The following EML6 variants were observed in gnomAD, a reference collection of about 807,000 sequenced individuals.
EML6 encodes the protein echinoderm microtubule-associated protein-like 6.
In EML6, 154 loss-of-function variants were observed where a neutral mutation model predicts 240.1. The ratio of observed to expected loss-of-function variants is 0.64; its 90% CI spans 0.56 to 0.73. The LOEUF (loss-of-function observed/expected upper bound fraction) is 0.73, where lower values mean the gene tolerates loss of function less well. Ranked by LOEUF, EML6 falls within the 30% of genes least tolerant of loss-of-function variation. The pLI is 0.00. For missense variants in EML6, 2,964 were observed against 2,474.6 expected (o/e 1.20, Z -4.20); for synonymous variants, 1,148 against 899.0 (o/e 1.28, Z -4.95).
chr2:54,847,574 C>T lies in EML6; in HGVS notation c.1138C>T (p.Gln380Ter), dbSNP rs1232799362. Residue 380 changes from glutamine (Q) to a stop codon, truncating the protein, a stop_gained, in exon 9 of 42, where the codon CAG becomes TAG. Transcript: ENST00000356458. LOFTEE classifies it high-confidence loss of function. ...TGTAGCTTTCAGCCCCGACGGATCTCAGCTGGCCCTGGGCATGAAGGACGG... is the reference window on the plus strand; with the variant it reads ...TGTAGCTTTCAGCCCCGACGGATCTTAGCTGGCCCTGGGCATGAAGGACGG... ...RSVAFSPDGS[Q>*]LALGMKDGSF... 6.4e-7 allele frequency: 1 copy of T among 1,552,210 alleles called. No homozygotes were observed. The highest frequency in any genetic ancestry group is 8.7e-7 in the Non-Finnish European group (1 of 1,147,138).
In EML6 at chr2:54,952,763, G is replaced by A. The variant is rs886194905; in HGVS notation, c.4312+71G>A. 15 of 1,041,372 alleles carry A rather than the reference G, an allele frequency of 1.4e-5. No individual in the cohort carries two copies. The South Asian group carries it at 2.1e-4, about 14-fold the overall frequency. 64.5% of individuals were successfully genotyped at this position (1,041,372 alleles called of 1,614,324 possible). A position where few individuals can be genotyped will look rare whatever the true frequency, so the allele number is the denominator to read the frequency against. ...GCTGACCTGTCAGCAATTATTGGGA[G>A]AGGGAGTGGGTGGGTTGCTTACATC... On this transcript the variant is annotated intron_variant, in intron 31 of 41. Transcript: ENST00000356458.
intron 31 of EML6, among the ~76,000 whole-genome samples, chr2:54,953,657 C>G (rs1011442434): frequency 1.3e-5 from 2 of 152,058 alleles, no homozygotes; most frequent in Non-Finnish European, 2.9e-5. Flanking sequence ...CTTTGGGAGG[C>G]GGGCGGATCA....
At chr2:54,782,984 G>A (rs964382939) in intron 2 of EML6, among the ~76,000 whole-genome samples, 2 of 152,228 alleles carry the variant, frequency 1.3e-5, no homozygotes, top group South Asian at 4.1e-4. Context: ...TATATAGCAA[G>A]AGCCCAGTAA....
chr2:54,792,016 C>T (rs1042788409), intron 2 of EML6, among the ~76,000 whole-genome samples: 1 of 152,148 alleles, frequency 6.6e-6, no homozygotes, highest in African/African-American at 2.4e-5. Context: ...TAGAAGCTTC[C>T]GCATAAGCAG....
At chr2:54,961,184 GTTT>G (rs575621987) in intron 35 of EML6, among the ~76,000 whole-genome samples, 3 of 55,420 alleles carry the variant, frequency 5.4e-5, no homozygotes, top group Admixed American at 2.7e-4. Flanking sequence ...TCAGGAAGTA[GTTT>G]TTTTTTTTTT....
intron 30 of EML6, 39 bp from the exon 31 acceptor site, chr2:54,952,555 G>C: frequency 7.2e-7 from 1 of 1,397,542 alleles, no homozygotes; most frequent in Non-Finnish European, 9.9e-7. Context: ...AAGGTCTTTA[G>C]GTTCCACTGT....
rs938819663 is a variant in EML6, at chr2:54,952,927, C to T, written c.4312+235C>T. 7.2e-5 allele frequency among the ~76,000 whole-genome samples: 11 copies of T among 152,228 alleles called. No homozygotes were observed. In the East Asian group the frequency reaches 1.2e-3, roughly 16 times the overall value. On this transcript the variant is annotated intron_variant, in intron 31 of 41. Transcript: ENST00000356458. The stretch of plus-strand genomic sequence containing the variant: ...GCCTGAGAGTCCAAATAAACGTTGG[C>T]CCCCATCCCTGTGGACTTGTAAGAA...
At chr2:54,867,024 G>A (rs930878568) in intron 14 of EML6, 140 bp downstream of exon 14, 1 of 532,822 alleles carries the variant, frequency 1.9e-6, no homozygotes, top group Non-Finnish European at 3.5e-6. Context: ...ATGTGCACTT[G>A]TACCTGTGGT....
chr2:54,776,918 T>A (rs1668627589), intron 2 of EML6, among the ~76,000 whole-genome samples: 1 of 152,254 alleles, frequency 6.6e-6, no homozygotes, highest in Non-Finnish European at 1.5e-5. Flanking sequence ...TTGTTTTCTC[T>A]AAGTATTTAT....
Position 54,866,712 on chromosome 2 carries a change from T to C in EML6, c.1933-54T>C, listed in dbSNP as rs1344846899. 73 of 1,015,624 alleles carry C rather than the reference T, an allele frequency of 7.2e-5. No individual in the cohort carries two copies. In the East Asian group the frequency reaches 1.8e-3, roughly 25 times the overall value. The allele number at this position is 1,015,624 out of a possible 1,614,324, so 62.9% of individuals were successfully genotyped here. On this transcript the variant is annotated intron_variant, in intron 13 of 41. Transcript: ENST00000356458. ...TTACAAGAATGTCAAGATGCTGATATTTTTGGAACCTGATGAAAGGCATCT... is the reference window on the plus strand; with the variant it reads ...TTACAAGAATGTCAAGATGCTGATACTTTTGGAACCTGATGAAAGGCATCT...
In EML6 at chr2:54,725,009, C is replaced by T; in HGVS notation, c.-53C>T. ...AGGTCCGCCGCAGCCCCAGCCTCGG[C>T]GAGGACGGCCCCGGCGCGCGGGGGG... On this transcript the variant is annotated 5_prime_UTR_variant, in exon 2 of 42. Transcript: ENST00000356458. This position sits in a 1 kb window ranked among gnomAD's most constrained non-coding sequence, Gnocchi z 4.3. The T allele has an allele frequency of 7.2e-7, 1 of 1,397,784 alleles. No individual in the cohort carries two copies. Among genetic ancestry groups the T allele is most frequent in the Non-Finnish European group, 9.3e-7 (1 of 1,076,210 alleles). The allele number at this position is 1,397,784 out of a possible 1,614,324, so 86.6% of individuals were successfully genotyped here. A position where few individuals can be genotyped will look rare whatever the true frequency, so the allele number is the denominator to read the frequency against.
In EML6 at chr2:54,850,225, C is replaced by A. The variant is rs776900125; in HGVS notation, c.1444+7C>A. 6.5e-7 allele frequency: 1 copy of A among 1,549,270 alleles called. No individual in the cohort carries two copies. The highest frequency in any genetic ancestry group is 1.2e-5 in the South Asian group (1 of 83,842). ...TTGTTCTACAGAATGCCATGTAAGTCATGTGGAGGCCTTGGATGTTTCTGG... is the reference window on the plus strand; with the variant it reads ...TTGTTCTACAGAATGCCATGTAAGTAATGTGGAGGCCTTGGATGTTTCTGG... On this transcript the variant is annotated splice_region_variant and intron_variant, in intron 10 of 41. Transcript: ENST00000356458.
intron 28 of EML6, among the ~76,000 whole-genome samples, chr2:54,931,648 T>C (rs1674871816): frequency 1.3e-5 from 2 of 152,218 alleles, no homozygotes; most frequent in African/African-American, 4.8e-5. Context: ...TACCTGCAGA[T>C]AATTCTGTAT....
chr2:54,780,155 T>C (rs967258213), intron 2 of EML6, among the ~76,000 whole-genome samples: 4 of 152,196 alleles, frequency 2.6e-5, no homozygotes, highest in African/African-American at 7.2e-5. Context: ...TTATTAATAA[T>C]CGTTTACAGT....
At chr2:54,901,404 T>A (rs1207215332) in intron 22 of EML6, among the ~76,000 whole-genome samples, 1 of 152,152 alleles carries the variant, frequency 6.6e-6, no homozygotes, top group Non-Finnish European at 1.5e-5. Context: ...CTAGAATCAT[T>A]TTGGCTACTA....
chr2:54,849,559 A>C lies in EML6; in HGVS notation c.1188-403A>C, dbSNP rs1190532853. Among the ~76,000 whole-genome samples, 3 of 152,090 alleles carry C rather than the reference A, an allele frequency of 2.0e-5. No homozygotes were observed. The East Asian group carries it at 5.8e-4, about 29-fold the overall frequency. ...GCTGGAGTGCAGTGGTGCCATCTTG[A>C]CTCACTGCAAACTCTACCTCCCAGG... On this transcript the variant is annotated intron_variant, in intron 9 of 41. Transcript: ENST00000356458.
In EML6 at chr2:54,967,119, A is replaced by G; in HGVS notation, c.5597+16A>G. 6.6e-7 allele frequency: 1 copy of G among 1,522,826 alleles called. No homozygotes were observed. The highest frequency in any genetic ancestry group is 8.9e-7 in the Non-Finnish European group (1 of 1,121,116). The allele number at this position is 1,522,826 out of a possible 1,614,324, so 94.3% of individuals were successfully genotyped here. ...CCTGGACAAGGTGACTGACTGGAAG[A>G]AAAAACTTGAGGAAAAGGTCACAAG... On this transcript the variant is annotated intron_variant, in intron 39 of 41. Transcript: ENST00000356458.
intron 17 of EML6, among the ~76,000 whole-genome samples, chr2:54,890,388 A>G (rs1672401981): frequency 2.0e-5 from 3 of 152,194 alleles, no homozygotes; most frequent in Non-Finnish European, 4.4e-5. Flanking sequence ...ACCATCAAAT[A>G]GTCCCTCTCA....
At position 54,863,908 on chromosome 2, in the gene EML6, A is replaced by G; in HGVS notation, c.1932+19A>G. On this transcript the variant is annotated intron_variant, in intron 13 of 41. Coordinates refer to ENST00000356458, the MANE Select transcript of EML6 (RefSeq NM_001039753.4). ...TCGCCAGGTCGGTAAGCAGGGAGCAATGAAAATTTGTAACCCCAGAAGGGG... is the reference window on the plus strand; with the variant it reads ...TCGCCAGGTCGGTAAGCAGGGAGCAGTGAAAATTTGTAACCCCAGAAGGGG... 1.4e-6 allele frequency: 2 copies of G among 1,426,446 alleles called. No individual in the cohort carries two copies. Among genetic ancestry groups the G allele is most frequent in the Non-Finnish European group, 1.9e-6 (2 of 1,040,122 alleles). The allele number at this position is 1,426,446 out of a possible 1,614,324, so 88.4% of individuals were successfully genotyped here.
Sources: gnomAD v4.1 joint callset for allele counts (sites outside exome capture counted in the v4.1 genomes callset) on GRCh38, gnomAD v4.1.1 for gene constraint, Gnocchi (gnomAD v3.1) non-coding constraint, MANE v1.5 for transcripts, NCBI Gene and HGNC (gene_info 2026-07-23, HGNC 2026-07-21) for gene names.